Variants in SYN3 observed in about 807,000 individuals in gnomAD.
SYN3 encodes synapsin III, also known as synapsin-3.
In SYN3, 35 loss-of-function variants were observed where a neutral mutation model predicts 65.8. The ratio of observed to expected loss-of-function variants is 0.53; its 90% CI spans 0.41 to 0.70. The LOEUF (loss-of-function observed/expected upper bound fraction) is 0.70. Ranked by LOEUF, SYN3 falls within the 30% of genes least tolerant of loss-of-function variation. SYN3 has a pLI of 0.00. For synonymous variants in SYN3, 270 were observed against 292.9 expected (o/e 0.92, Z 0.80); for missense variants, 680 against 749.0 (o/e 0.91, Z 1.08).
At position 32,556,737 on chromosome 22, in the gene SYN3, G is replaced by C. The variant is rs1434604203; in HGVS notation, c.775-15024C>G. ...TCTGAGAAACCTATGGGGTGGGCTG[G>C]GGGGAGGAGGTATATCCATATACCC... On this transcript the variant is annotated intron_variant, in intron 7 of 13. Transcript: ENST00000358763. 4.6e-5 allele frequency among the ~76,000 whole-genome samples: 7 copies of C among 151,390 alleles called. No individual in the cohort carries two copies. The South Asian group carries it at 8.4e-4, about 18-fold the overall frequency.
chr22:32,824,632 T>C (rs371327579), intron 6 of SYN3, among the ~76,000 whole-genome samples: 61 of 152,326 alleles, frequency 4.0e-4, no homozygotes, highest in African/African-American at 1.2e-3. Context: ...GCATGTATGA[T>C]ATAAATTCTC....
At chr22:32,572,965 A>G (rs1051172551) in intron 7 of SYN3, among the ~76,000 whole-genome samples, 1 of 152,238 alleles carries the variant, frequency 6.6e-6, no homozygotes, top group Non-Finnish European at 1.5e-5. Context: ...GCTGGAAGCA[A>G]TGGTGTCCCG....
chr22:32,730,166 A>G (rs1206735445), intron 6 of SYN3, among the ~76,000 whole-genome samples: 2 of 152,228 alleles, frequency 1.3e-5, no homozygotes, highest in Admixed American at 6.5e-5. Context: ...ATTGGCTAAG[A>G]CAAAGAATAA....
chr22:32,710,728 C>A (rs2060952399), intron 6 of SYN3, among the ~76,000 whole-genome samples: 1 of 151,954 alleles, frequency 6.6e-6, no homozygotes, highest in Admixed American at 6.6e-5. Flanking sequence ...CATCTGGCTT[C>A]CACTTTGCCT....
chr22:32,933,128 G>T (rs886954212), intron 3 of SYN3, among the ~76,000 whole-genome samples: 1 of 152,186 alleles, frequency 6.6e-6, no homozygotes, highest in African/African-American at 2.4e-5. Flanking sequence ...GGGGTGACAA[G>T]TCAACCTATA....
At chr22:32,727,636 C>T (rs758179018) in intron 6 of SYN3, among the ~76,000 whole-genome samples, 1 of 152,160 alleles carries the variant, frequency 6.6e-6, no homozygotes, top group Non-Finnish European at 1.5e-5. Flanking sequence ...CACAACCTCA[C>T]CAGCATCTTT....
intron 2 of SYN3, among the ~76,000 whole-genome samples, chr22:32,982,629 A>G (rs772466722): frequency 2.6e-5 from 4 of 152,208 alleles, no homozygotes; most frequent in Non-Finnish European, 4.4e-5. Context: ...TCTGTGTACC[A>G]CTAAACTATA....
chr22:32,718,937 C>T (rs1332383335), intron 6 of SYN3, among the ~76,000 whole-genome samples: 2 of 152,240 alleles, frequency 1.3e-5, no homozygotes, highest in East Asian at 3.9e-4. Context: ...AATGACTACT[C>T]TCTGTTCCCA....
intron 6 of SYN3, among the ~76,000 whole-genome samples, chr22:32,724,889 G>A (rs2061168911): frequency 6.6e-6 from 1 of 152,190 alleles, no homozygotes; most frequent in Admixed American, 6.5e-5. Context: ...GGGAGGCTGA[G>A]GTGGGCGGAT....
At chr22:32,793,583 G>A (rs897628610) in intron 6 of SYN3, among the ~76,000 whole-genome samples, 25 of 152,226 alleles carry the variant, frequency 1.6e-4, no homozygotes, top group African/African-American at 5.5e-4. Context: ...GTATCTTCAG[G>A]GCCTAGCATG....
At chr22:32,796,694 C>T (rs925614882) in intron 6 of SYN3, among the ~76,000 whole-genome samples, 1 of 151,878 alleles carries the variant, frequency 6.6e-6, no homozygotes, top group African/African-American at 2.4e-5. Flanking sequence ...TTCACATGGA[C>T]GGTGGGGCTT....
At chr22:32,771,199 G>T (rs891960312) in intron 6 of SYN3, among the ~76,000 whole-genome samples, 2 of 152,120 alleles carry the variant, frequency 1.3e-5, no homozygotes, top group African/African-American at 2.4e-5. Flanking sequence ...GAGAAGGATG[G>T]TTTCCAGCTT....
chr22:32,729,293 G>A (rs1033886634), intron 6 of SYN3, among the ~76,000 whole-genome samples: 2 of 152,240 alleles, frequency 1.3e-5, no homozygotes, highest in Admixed American at 6.5e-5. Context: ...ATGAATGAAT[G>A]TACTACTTCA....
At chr22:32,806,559 C>T (rs1410248981) in intron 6 of SYN3, among the ~76,000 whole-genome samples, 1 of 152,218 alleles carries the variant, frequency 6.6e-6, no homozygotes, top group Non-Finnish European at 1.5e-5. Context: ...GAGGGCAGAT[C>T]TGAGCTCCAC....
At chr22:32,537,835 T>C (rs2058190643) in intron 9 of SYN3, among the ~76,000 whole-genome samples, 1 of 152,228 alleles carries the variant, frequency 6.6e-6, no homozygotes, top group African/African-American at 2.4e-5. Context: ...TCTTCTCCCA[T>C]CTGTAAAATG....
intron 6 of SYN3, among the ~76,000 whole-genome samples, chr22:32,698,984 CA>C (rs2060775347): frequency 6.6e-6 from 1 of 152,102 alleles, no homozygotes; most frequent in Non-Finnish European, 1.5e-5. Context: ...CATCCGTGTC[CA>C]AAGTTAGAAA....
intron 4 of SYN3, among the ~76,000 whole-genome samples, chr22:32,897,542 C>T (rs1047037518): frequency 2.6e-5 from 4 of 152,168 alleles, no homozygotes; most frequent in African/African-American, 7.2e-5. Context: ...TGGAGTCAGA[C>T]CTGGATTCAG....
intron 6 of SYN3, among the ~76,000 whole-genome samples, chr22:32,664,177 T>G (rs948250038): frequency 1.3e-5 from 2 of 152,188 alleles, no homozygotes; most frequent in African/African-American, 4.8e-5. Context: ...TCTGACTCCA[T>G]TCCTTCCTAG....
At chr22:32,679,641 T>C (rs1032961775) in intron 6 of SYN3, among the ~76,000 whole-genome samples, 2 of 152,100 alleles carry the variant, frequency 1.3e-5, no homozygotes, top group Non-Finnish European at 2.9e-5. Flanking sequence ...ATCAACACTT[T>C]TGTTTTTAAT....
Sources: gnomAD v4.1 joint callset for allele counts (sites outside exome capture counted in the v4.1 genomes callset) on GRCh38, gnomAD v4.1.1 for gene constraint, MANE v1.5 for transcripts, NCBI Gene and HGNC (gene_info 2026-07-23, HGNC 2026-07-21) for gene names.